DSG2: variants seen among roughly 807,000 people sequenced by gnomAD.
The protein encoded by DSG2 is desmoglein-2.
Under a neutral mutation model 75.6 loss-of-function variants are expected in DSG2, and 45 were observed. The observed-to-expected ratio is 0.60, with a 90% CI of 0.47 to 0.76. The LOEUF (loss-of-function observed/expected upper bound fraction) is 0.76, where lower values mean the gene tolerates loss of function less well. Ranked by LOEUF, DSG2 falls within the 30% of genes least tolerant of loss-of-function variation. The probability of loss-of-function intolerance (pLI) is 0.00; values close to 1 mark genes in which losing one functional copy is unlikely to be tolerated. For synonymous variants in DSG2, 429 were observed against 483.9 expected (o/e 0.89, Z 1.49); for missense variants, 1,267 against 1,357.4 (o/e 0.93, Z 1.05).
intron 1 of DSG2, among the ~76,000 whole-genome samples, chr18:31,498,655 G>C (rs915961081): frequency 2.6e-5 from 4 of 152,144 alleles, no homozygotes; most frequent in Non-Finnish European, 4.4e-5. Flanking sequence ...TCTGGGACGA[G>C]AAACGTGGAG....
At chr18:31,520,297 G>A (rs1288365348) in intron 3 of DSG2, among the ~76,000 whole-genome samples, 2 of 152,112 alleles carry the variant, frequency 1.3e-5, no homozygotes, top group African/African-American at 4.8e-5. Flanking sequence ...TAGGTAGGGG[G>A]ACCATCTTCA....
intron 1 of DSG2, among the ~76,000 whole-genome samples, chr18:31,502,588 A>G (rs571061090): frequency 2.0e-5 from 3 of 152,278 alleles, no homozygotes; most frequent in South Asian, 4.1e-4. Flanking sequence ...CATCTCGACT[A>G]AAAATACAAA....
At chr18:31,524,917 G>A in intron 8 of DSG2, 29 bp downstream of exon 8, 1 of 1,604,226 alleles carries the variant, frequency 6.2e-7, no homozygotes, top group Non-Finnish European at 8.5e-7. Flanking sequence ...AAACTGGCGT[G>A]GGCCAAGTTG....
Position 31,542,816 on chromosome 18 carries a change from A to T in DSG2, c.2298A>T (p.Ala766=). The change falls in exon 14 of 15, where the codon GCA becomes GCT. Residue 766 remains alanine (A), a synonymous_variant. Coordinates refer to ENST00000261590, the MANE Select transcript of DSG2 (RefSeq NM_001943.5). ...DMAGAQAAAV[A]LNEEFLRNYF... ...CCGGAGCTCAGGCAGCTGCTGTTGC[A>T]CTGAACGAAGAATTCTTAAGAAATT... 3.8e-6 allele frequency: 6 copies of T among 1,581,370 alleles called. No individual in the cohort carries two copies. The highest frequency in any genetic ancestry group is 5.1e-6 in the Non-Finnish European group (6 of 1,166,722).
chr18:31,523,437 A>C (rs765204812), intron 6 of DSG2, among the ~76,000 whole-genome samples: 2 of 152,152 alleles, frequency 1.3e-5, no homozygotes, highest in Non-Finnish European at 2.9e-5. Context: ...AATTCTGCCC[A>C]AATTGGAAGG....
At chr18:31,508,353 ATTTATTTTATTTTATTTTATTTTAT>A (rs199925165) in intron 1 of DSG2, among the ~76,000 whole-genome samples, 4,671 of 145,982 alleles carry the variant, frequency 0.032, 240 homozygotes, top group African/African-American at 0.11. Context: ...GAACTGCCTG[ATTTATTTTATTTTATTTTATTTTAT>A]TTTATTTTAT....
chr18:31,527,619 A>T (rs1453224786), intron 8 of DSG2, among the ~76,000 whole-genome samples: 1 of 152,260 alleles, frequency 6.6e-6, no homozygotes, highest in South Asian at 2.1e-4. Context: ...TACAAGTAGC[A>T]AATACCCACG....
rs1317752156 is a variant in DSG2 at position 31,522,196 on chromosome 18, C to T, written c.637C>T (p.Leu213=). The T allele has an allele frequency of 1.9e-6, 3 of 1,613,720 alleles. No individual in the cohort carries two copies. In the African/African-American group the frequency reaches 4.0e-5, roughly 22 times the overall value. The stretch of plus-strand genomic sequence containing the variant: ...GCCTGCTTATCCTCCAGTGTTCTAC[C>T]TAAATAAAGATACAGGAGAGATTTA... ...LEPAYPPVFY[L]NKDTGEIYTT... The change falls in exon 6 of 15, where the codon CTA becomes TTA. Residue 213 remains leucine (L), a synonymous_variant. Coordinates refer to ENST00000261590, the MANE Select transcript of DSG2 (RefSeq NM_001943.5).
At chr18:31,498,357 T>C in intron 1 of DSG2, 61 bp downstream of exon 1, 1 of 1,244,694 alleles carries the variant, frequency 8.0e-7, no homozygotes, top group Non-Finnish European at 1.0e-6. Flanking sequence ...AGGCGAGGTC[T>C]AGACCTCGCG....
In DSG2 at chr18:31,546,719, C is replaced by T. The variant is rs143867223; in HGVS notation, c.3333C>T (p.Ser1111=). ...TTSSTRVTKH[S]TVQHSYS Reference sequence around the variant, plus strand: ...CTTCCACCAGAGTTACCAAGCATAGCACTGTACAGCATTCTTACTCCTAAA... The same window carrying T: ...CTTCCACCAGAGTTACCAAGCATAGTACTGTACAGCATTCTTACTCCTAAA... The change falls in exon 15 of 15, where the codon AGC becomes AGT. Residue 1111 remains serine (S), a synonymous_variant. Coordinates refer to ENST00000261590, the MANE Select transcript of DSG2 (RefSeq NM_001943.5). The T allele has an allele frequency of 1.2e-6, 2 of 1,614,180 alleles. No individual in the cohort carries two copies. Among genetic ancestry groups the T allele is most frequent in the East Asian group, 2.2e-5 (1 of 44,880 alleles).
intron 2 of DSG2, 93 bp downstream of exon 2, chr18:31,518,367 C>A: frequency 9.3e-7 from 1 of 1,080,700 alleles, no homozygotes; most frequent in Non-Finnish European, 1.4e-6. Context: ...ATTGAAGACA[C>A]ATGTTGTATT....
Position 31,546,360 on chromosome 18 carries a change from A to G in DSG2, c.2974A>G (p.Ile992Val), listed in dbSNP as rs933743259. The G allele has an allele frequency of 1.2e-6, 2 of 1,613,894 alleles. No individual in the cohort carries two copies. Among genetic ancestry groups the G allele is most frequent in the Non-Finnish European group, 1.7e-6 (2 of 1,179,854 alleles). Residue 992 changes from isoleucine to valine, a missense_variant, in exon 15 of 15, where the codon ATA becomes GTA. Physicochemically the swap from Ile to Val is conservative, Grantham distance 29. Transcript: ENST00000261590. ...TACAGTTGTGGTCACTGAAAGAGTA[A>G]TACAGCCTCATGGGGGTGGATCGAA... ...EGTVVVTERVIQPHGGGSNPL... is the reference protein window; with the variant it reads ...EGTVVVTERVVQPHGGGSNPL...
chr18:31,533,353 G>A lies in DSG2; in HGVS notation c.1281-1917G>A, dbSNP rs930278199. ...TAGCCAGGCATGGTGGCACATGTTT[G>A]TAGTCCCCACTACTGGGGAGGCTTA... On this transcript the variant is annotated intron_variant, in intron 9 of 14. Transcript: ENST00000261590. Among the ~76,000 whole-genome samples the A allele has an allele frequency of 2.0e-5, 3 of 152,068 alleles. No homozygotes were observed. The East Asian group carries it at 5.8e-4, about 29-fold the overall frequency.
At chr18:31,505,748 G>A (rs895824797) in intron 1 of DSG2, among the ~76,000 whole-genome samples, 47 of 147,014 alleles carry the variant, frequency 3.2e-4, no homozygotes, top group African/African-American at 9.9e-4. Flanking sequence ...TGCAGCTTCC[G>A]CCTCCCAGGT....
intron 1 of DSG2, among the ~76,000 whole-genome samples, chr18:31,516,967 A>C (rs904936115): frequency 8.5e-5 from 13 of 152,224 alleles, no homozygotes; most frequent in African/African-American, 3.1e-4. Flanking sequence ...GAGCAACTGG[A>C]TTATTCATTT....
intron 8 of DSG2, among the ~76,000 whole-genome samples, chr18:31,527,784 A>C (rs1238226144): frequency 6.6e-6 from 1 of 152,194 alleles, no homozygotes; most frequent in African/African-American, 2.4e-5. Context: ...TAACAACAGA[A>C]ATTTATTTCT....
At chr18:31,529,153 A>T (rs1455613574) in intron 8 of DSG2, among the ~76,000 whole-genome samples, 2 of 152,188 alleles carry the variant, frequency 1.3e-5, no homozygotes, top group African/African-American at 4.8e-5. Flanking sequence ...TAATGTTATT[A>T]AAAAATAGCA....
intron 5 of DSG2, 59 bp from the exon 6 acceptor site, chr18:31,522,024 A>G (rs2073130827): frequency 6.7e-7 from 1 of 1,500,348 alleles, no homozygotes; most frequent in East Asian, 2.3e-5. Flanking sequence ...TAAATAAAAT[A>G]ACAGGTAAAT....
intron 14 of DSG2, 76 bp downstream of exon 14, chr18:31,542,928 A>C: frequency 9.3e-7 from 1 of 1,071,850 alleles, no homozygotes. Context: ...TATTAGGGTA[A>C]TCATTGCCTT....
Sources: allele counts gnomAD v4.1 joint callset (sites outside exome capture counted in the v4.1 genomes callset), GRCh38; gene constraint gnomAD v4.1.1; transcripts MANE v1.5; gene names NCBI Gene and HGNC (gene_info 2026-07-23, HGNC 2026-07-21).